The following SORCS2 variants were observed in gnomAD, a reference collection of about 807,000 sequenced individuals.
SORCS2 encodes the protein VPS10 domain-containing receptor SorCS2.
In SORCS2, 100 loss-of-function variants were observed where a neutral mutation model predicts 141.6. That is an observed-to-expected ratio of 0.71 (90% CI 0.60 to 0.83). The LOEUF (loss-of-function observed/expected upper bound fraction) is 0.83, where lower values mean the gene tolerates loss of function less well. Among genes scored for constraint, SORCS2 ranks in the 40% least tolerant of loss-of-function variants. SORCS2 has a pLI of 0.00. For synonymous variants in SORCS2, 789 were observed against 676.9 expected, an observed-to-expected ratio of 1.17 and a Z score of -2.57; for missense variants, 1,646 against 1,560.2, an observed-to-expected ratio of 1.05 and a Z score of -0.93.
chr4:7,394,774 G>T (rs1395837807), intron 1 of SORCS2, among the ~76,000 whole-genome samples: 2 of 152,090 alleles, frequency 1.3e-5, no homozygotes, highest in African/African-American at 4.8e-5. Flanking sequence ...GAAAGGCAGG[G>T]TGCCCTCCAG....
At chr4:7,542,405 A>G (rs1238059178) in intron 3 of SORCS2, among the ~76,000 whole-genome samples, 4 of 152,168 alleles carry the variant, frequency 2.6e-5, no homozygotes, top group South Asian at 2.1e-4. Flanking sequence ...TTTATAAGAA[A>G]ACGAGAAGAG....
At chr4:7,707,117 C>T (rs1016517535) in intron 14 of SORCS2, among the ~76,000 whole-genome samples, 4 of 152,210 alleles carry the variant, frequency 2.6e-5, no homozygotes, top group Non-Finnish European at 4.4e-5. Context: ...CTGTCCTCTC[C>T]GGGCCGAGCA....
intron 2 of SORCS2, among the ~76,000 whole-genome samples, chr4:7,410,526 A>G (rs543690726): frequency 6.6e-6 from 1 of 152,352 alleles, no homozygotes; most frequent in East Asian, 1.9e-4. Flanking sequence ...GGCTCTTATG[A>G]AGATGACAGC....
chr4:7,665,936 C>A (rs1276621722), intron 7 of SORCS2, among the ~76,000 whole-genome samples: 1 of 152,108 alleles, frequency 6.6e-6, no homozygotes, highest in African/African-American at 2.4e-5. Flanking sequence ...GGAACACATG[C>A]CCTGGGGAAC....
At chr4:7,225,080 C>T (rs1728920267) in intron 1 of SORCS2, among the ~76,000 whole-genome samples, 1 of 152,152 alleles carries the variant, frequency 6.6e-6, no homozygotes, top group East Asian at 1.9e-4. Flanking sequence ...CCTTCAAAAC[C>T]CTAATGCAGT....
At chr4:7,682,292 C>T (rs1008011982) in intron 9 of SORCS2, among the ~76,000 whole-genome samples, 4 of 152,022 alleles carry the variant, frequency 2.6e-5, no homozygotes, top group Admixed American at 6.6e-5. Context: ...GCTGGGGGTC[C>T]GCAGAGGCAA....
At chr4:7,414,220 C>T (rs60458067) in intron 2 of SORCS2, among the ~76,000 whole-genome samples, 5,066 of 152,300 alleles carry the variant, frequency 0.033, 249 homozygotes, top group African/African-American at 0.12. Flanking sequence ...TGCCAACCAG[C>T]AGAAGAACAG....
At chr4:7,725,445 C>A (rs1727151783) in intron 20 of SORCS2, among the ~76,000 whole-genome samples, 158 bp downstream of exon 20, 1 of 152,192 alleles carries the variant, frequency 6.6e-6, no homozygotes, top group Admixed American at 6.5e-5. Context: ...GAGGGGCACA[C>A]CCTCCGTGGG....
At chr4:7,297,626 T>TA (rs1379194888) in intron 1 of SORCS2, among the ~76,000 whole-genome samples, 1 of 152,212 alleles carries the variant, frequency 6.6e-6, no homozygotes, top group Non-Finnish European at 1.5e-5. Context: ...CTGCTGTTCC[T>TA]AGATCCTCGT....
At chr4:7,531,502 G>T in intron 2 of SORCS2, 28 bp from the exon 3 acceptor site, 1 of 1,606,388 alleles carries the variant, frequency 6.2e-7, no homozygotes, top group Non-Finnish European at 8.5e-7. Context: ...AGGGTACATG[G>T]CTGACGGCTG....
At chr4:7,403,495 G>C (rs1724728117) in intron 2 of SORCS2, among the ~76,000 whole-genome samples, 1 of 152,124 alleles carries the variant, frequency 6.6e-6, no homozygotes. Context: ...TGAGGAGGTT[G>C]GTGGGGTGGA....
chr4:7,451,620 G>A (rs1229866008), intron 2 of SORCS2, among the ~76,000 whole-genome samples: 1 of 152,256 alleles, frequency 6.6e-6, no homozygotes, highest in Non-Finnish European at 1.5e-5. Flanking sequence ...GCAAGCCTTA[G>A]TGGCATGCAG....
At chr4:7,695,291 GTTGGATGGGTGAGTGA>G (rs1228330469) in intron 11 of SORCS2, among the ~76,000 whole-genome samples, 4 of 102,636 alleles carry the variant, frequency 3.9e-5, no homozygotes, top group East Asian at 3.0e-4. Context: ...TGGATGGATG[GTTGGATGGGTGAGTGA>G]ATGGGTGGGT....
intron 2 of SORCS2, among the ~76,000 whole-genome samples, chr4:7,467,561 G>T (rs1415083546): frequency 6.6e-6 from 1 of 152,172 alleles, no homozygotes; most frequent in Non-Finnish European, 1.5e-5. Context: ...GTGGGCCTGG[G>T]CAGTCTATGC....
intron 15 of SORCS2, among the ~76,000 whole-genome samples, chr4:7,713,793 C>A (rs961031230): frequency 6.6e-6 from 1 of 152,178 alleles, no homozygotes; most frequent in Admixed American, 6.5e-5. Flanking sequence ...TACAGGCCAC[C>A]GGGCATCCTC....
intron 1 of SORCS2, among the ~76,000 whole-genome samples, chr4:7,230,921 G>T (rs1711826877): frequency 6.6e-6 from 1 of 152,266 alleles, no homozygotes; most frequent in South Asian, 2.1e-4. Flanking sequence ...AGGAGATGAA[G>T]ACACCCAGTG....
intron 2 of SORCS2, among the ~76,000 whole-genome samples, chr4:7,493,157 A>G (rs1415796493): frequency 6.6e-6 from 1 of 152,188 alleles, no homozygotes; most frequent in East Asian, 1.9e-4. Flanking sequence ...GTATTGGTAG[A>G]GGGGAAAGAG....
intron 1 of SORCS2, among the ~76,000 whole-genome samples, chr4:7,199,150 T>G (rs1374140689): frequency 6.6e-6 from 1 of 152,134 alleles, no homozygotes; most frequent in Non-Finnish European, 1.5e-5. Context: ...GGCCCTAGTT[T>G]CGTCATCGTG....
chr4:7,450,904 G>GTGAA (rs895063146), intron 2 of SORCS2, among the ~76,000 whole-genome samples: 1 of 151,288 alleles, frequency 6.6e-6, no homozygotes, highest in African/African-American at 2.4e-5. Flanking sequence ...GAGTGAGGGA[G>GTGAA]TGAATGAATG....
Sources: gnomAD v4.1 joint callset for allele counts (sites outside exome capture counted in the v4.1 genomes callset) on GRCh38, gnomAD v4.1.1 for gene constraint, MANE v1.5 for transcripts, NCBI Gene and HGNC (gene_info 2026-07-23, HGNC 2026-07-21) for gene names.